NFKBIL1: variants seen among roughly 807,000 people sequenced by gnomAD.
NFKBIL1 encodes the protein NF-kappa-B inhibitor-like protein 1.
Under a neutral mutation model 45.4 loss-of-function variants are expected in NFKBIL1, and 30 were observed. The ratio of observed to expected loss-of-function variants is 0.66; its 90% CI spans 0.49 to 0.90. NFKBIL1 has a LOEUF of 0.90. Among genes scored for constraint, NFKBIL1 ranks in the 40% least tolerant of loss-of-function variants. NFKBIL1 has a pLI of 0.00. For synonymous variants in NFKBIL1, 179 were observed against 197.3 expected, an observed-to-expected ratio of 0.91 and a Z score of 0.78; for missense variants, 434 against 513.4, an observed-to-expected ratio of 0.85 and a Z score of 1.49.
chr6:31,557,818 C>T lies in NFKBIL1; in HGVS notation c.525C>T (p.Asp175=), dbSNP rs748954085. 8 of 1,605,694 alleles carry T rather than the reference C, an allele frequency of 5.0e-6. No homozygotes were observed. Among genetic ancestry groups the T allele is most frequent in the South Asian group, 4.4e-5 (4 of 90,240 alleles). The stretch of plus-strand genomic sequence containing the variant: ...AGAAGCTCCAGGGTGAGCTGGAGGA[C>T]GAGTGGCAGGAAGTCATGGGGAGGT... ...WRQKLQGELE[D]EWQEVMGRFE... is the part of the protein sequence containing the mutation. Residue 175 remains aspartate, a synonymous_variant, in exon 3 of 4, where the codon GAC becomes GAT. Coordinates refer to ENST00000376148, the MANE Select transcript of NFKBIL1 (RefSeq NM_005007.4). The surrounding 1 kb of genome is among the most constrained non-coding windows in gnomAD (Gnocchi z 5.4).
chr6:31,558,753 TGGGGGTG>T lies in NFKBIL1; in HGVS notation c.*150_*156del. The T allele has an allele frequency of 1.9e-6, 1 of 539,908 alleles. No individual in the cohort carries two copies. The highest frequency in any genetic ancestry group is 3.1e-6 in the Non-Finnish European group (1 of 320,926). The allele number at this position is 539,908 out of a possible 1,614,324, so 33.4% of individuals were successfully genotyped here. On this transcript the variant is annotated 3_prime_UTR_variant, in exon 4 of 4. Coordinates refer to ENST00000376148, the MANE Select transcript of NFKBIL1 (RefSeq NM_005007.4). This position sits in a 1 kb window ranked among gnomAD's most constrained non-coding sequence, Gnocchi z 7.2. ...GGGTGGGAGCGAAAGTTGTAACAAGTGGGGGTGGGGGGTGCGGGCCGCCACCACTGCT... is the reference window on the plus strand; with the variant it reads ...GGGTGGGAGCGAAAGTTGTAACAAGTGGGGGTGCGGGCCGCCACCACTGCT...
intron 2 of NFKBIL1, among the ~76,000 whole-genome samples, chr6:31,550,200 C>CAA (rs34859965): frequency 8.1e-6 from 1 of 122,782 alleles, no homozygotes. Flanking sequence ...GACTCCGTCT[C>CAA]AAAAAAAAAA....
intron 2 of NFKBIL1, among the ~76,000 whole-genome samples, chr6:31,554,892 G>A (rs6929796): frequency 0.22 from 33,669 of 152,112 alleles, 4,084 homozygotes; most frequent in East Asian, 0.4. Flanking sequence ...TTATAAAGTC[G>A]TCAAAAAGTA....
rs1228842334 is a variant in NFKBIL1 at position 31,557,177 on chromosome 6, G to A, written c.335-451G>A. Among the ~76,000 whole-genome samples, 3 of 151,084 alleles carry A rather than the reference G, an allele frequency of 2.0e-5. No individual in the cohort carries two copies. The highest frequency in any genetic ancestry group is 4.9e-5 in the African/African-American group (2 of 40,978). The stretch of plus-strand genomic sequence containing the variant: ...GGCTGGAGTGCAGTGGCACGATCTC[G>A]GCTTACTACAAGCTCCACCTCCCGG... On this transcript the variant is annotated intron_variant, in intron 2 of 3. Transcript: ENST00000376148. This position sits in a 1 kb window ranked among gnomAD's most constrained non-coding sequence, Gnocchi z 5.4.
In NFKBIL1 at chr6:31,558,824, A is replaced by G; in HGVS notation, c.*213A>G. On this transcript the variant is annotated 3_prime_UTR_variant, in exon 4 of 4. Coordinates refer to ENST00000376148, the MANE Select transcript of NFKBIL1 (RefSeq NM_005007.4). The surrounding 1 kb of genome is among the most constrained non-coding windows in gnomAD (Gnocchi z 7.2). ...GTTTCCTAATAAGACCTGGTTCCACATCTCACTCCCAGTGTCTCCTCTGTC... is the reference window on the plus strand; with the variant it reads ...GTTTCCTAATAAGACCTGGTTCCACGTCTCACTCCCAGTGTCTCCTCTGTC... The G allele has an allele frequency of 1.9e-6, 1 of 531,894 alleles. No homozygotes were observed. Among genetic ancestry groups the G allele is most frequent in the Non-Finnish European group, 3.4e-6 (1 of 295,472 alleles). 32.9% of individuals were successfully genotyped at this position (531,894 alleles called of 1,614,324 possible). A position where few individuals can be genotyped will look rare whatever the true frequency, so the allele number is the denominator to read the frequency against.
chr6:31,558,763 G>C lies in NFKBIL1; in HGVS notation c.*152G>C. On this transcript the variant is annotated 3_prime_UTR_variant, in exon 4 of 4. Transcript: ENST00000376148. This position sits in a 1 kb window ranked among gnomAD's most constrained non-coding sequence, Gnocchi z 7.2. ...GAAAGTTGTAACAAGTGGGGGTGGG[G>C]GGTGCGGGCCGCCACCACTGCTCCT... 1 of 650,436 alleles carries C rather than the reference G, an allele frequency of 1.5e-6. No individual in the cohort carries two copies. The highest frequency in any genetic ancestry group is 2.1e-5 in the South Asian group (1 of 46,558). 40.3% of individuals were successfully genotyped at this position (650,436 alleles called of 1,614,324 possible).
Position 31,557,779 on chromosome 6 carries a change from G to T in NFKBIL1, c.486G>T (p.Glu162Asp). 1 of 1,612,816 alleles carries T rather than the reference G, an allele frequency of 6.2e-7. No homozygotes were observed. The highest frequency in any genetic ancestry group is 1.7e-5 in the Admixed American group (1 of 59,894). ...EEEEEDDASKEREWRQKLQGE... is the reference protein window; with the variant it reads ...EEEEEDDASKDREWRQKLQGE... ...AGGAAGAAGATGATGCCTCCAAGGA[G>T]CGGGAATGGAGACAGAAGCTCCAGG... The change falls in exon 3 of 4, where the codon GAG becomes GAT. Residue 162 changes from glutamate (E) to aspartate (D), a missense_variant. Glu to Asp is a conservative substitution (Grantham distance 45). Coordinates refer to ENST00000376148, the MANE Select transcript of NFKBIL1 (RefSeq NM_005007.4). The surrounding 1 kb of genome is among the most constrained non-coding windows in gnomAD (Gnocchi z 5.4).
intron 2 of NFKBIL1, among the ~76,000 whole-genome samples, chr6:31,549,997 C>G (rs772065789): frequency 2.6e-5 from 4 of 151,998 alleles, no homozygotes; most frequent in Non-Finnish European, 4.4e-5. Context: ...GTCAGGAGTT[C>G]GAGACCAGCC....
At chr6:31,556,929 T>C (rs1472474244) in intron 2 of NFKBIL1, 2 of 347,672 alleles carry the variant, frequency 5.8e-6, no homozygotes, top group African/African-American at 2.1e-5. Context: ...GTCTGATATA[T>C]GGTTTCAGGT....
intron 2 of NFKBIL1, among the ~76,000 whole-genome samples, chr6:31,551,278 G>A (rs1397424794): frequency 1.3e-5 from 2 of 151,154 alleles, no homozygotes; most frequent in Non-Finnish European, 3.0e-5. Context: ...TGCCCACCTC[G>A]GCTTCCCAAA....
chr6:31,554,878 C>A (rs1769630002), intron 2 of NFKBIL1, among the ~76,000 whole-genome samples: 1 of 152,168 alleles, frequency 6.6e-6, no homozygotes, highest in African/African-American at 2.4e-5. Context: ...CAGTGGAACA[C>A]TAATTATAAA....
At chr6:31,550,994 C>A (rs1233407346) in intron 2 of NFKBIL1, among the ~76,000 whole-genome samples, 2 of 151,728 alleles carry the variant, frequency 1.3e-5, no homozygotes, top group Non-Finnish European at 2.9e-5. Flanking sequence ...CCAAAATGCC[C>A]CTGATAGTGT....
At chr6:31,547,025 A>T (rs1412698649), upstream of NFKBIL1, 5 of 166,590 alleles carry the variant, frequency 3.0e-5, no homozygotes, top group South Asian at 6.9e-4. Context: ...TCTGGGCTTA[A>T]TTCTAAACTA....
At position 31,558,476 on chromosome 6, in the gene NFKBIL1, G is replaced by C; in HGVS notation, c.1011G>C (p.Gln337His). 6.4e-7 allele frequency: 1 copy of C among 1,551,866 alleles called. No individual in the cohort carries two copies. Among genetic ancestry groups the C allele is most frequent in the Non-Finnish European group, 8.7e-7 (1 of 1,147,514 alleles). ...QGALRRYLRV[Q>H]QVRWHPDRFL... ...CTCTGAGGAGGTACTTGAGGGTCCA[G>C]CAGGTCCGCTGGCACCCTGACCGCT... Residue 337 changes from glutamine (Q) to histidine (H), a missense_variant, in exon 4 of 4, where the codon CAG (glutamine) becomes CAC (histidine). Around this residue, in one of 4 missense-constraint regions of NFKBIL1, gnomAD observed 52 missense variants for 95.9 expected, o/e 0.54. Transcript: ENST00000376148. The surrounding 1 kb of genome is among the most constrained non-coding windows in gnomAD (Gnocchi z 7.2).
Position 31,557,858 on chromosome 6 carries a change from T to A in NFKBIL1, c.556+9T>A, listed in dbSNP as rs200861685. The A allele has an allele frequency of 6.4e-7, 1 of 1,569,160 alleles. No individual in the cohort carries two copies. Among genetic ancestry groups the A allele is most frequent in the African/African-American group, 1.4e-5 (1 of 73,934 alleles). On this transcript the variant is annotated intron_variant, in intron 3 of 3. Transcript: ENST00000376148. This position sits in a 1 kb window ranked among gnomAD's most constrained non-coding sequence, Gnocchi z 5.4. ...CATGGGGAGGTTTGAAGGTGAGAAGTCCACTGCTATCCACAGCTGCCCTTC... is the reference window on the plus strand; with the variant it reads ...CATGGGGAGGTTTGAAGGTGAGAAGACCACTGCTATCCACAGCTGCCCTTC...
chr6:31,550,193 T>C (rs921938905), intron 2 of NFKBIL1, among the ~76,000 whole-genome samples: 8 of 145,584 alleles, frequency 5.5e-5, no homozygotes, highest in South Asian at 2.2e-4. Context: ...ACAGCAAGAC[T>C]CCGTCTCAAA....
rs191884912 is a variant in NFKBIL1, at chr6:31,555,651, T to G, written c.335-1977T>G. Among the ~76,000 whole-genome samples, 40 of 127,858 alleles carry G rather than the reference T, an allele frequency of 3.1e-4. No individual in the cohort carries two copies. The East Asian group carries it at 7.0e-3, about 22-fold the overall frequency. The allele number at this position is 127,858 out of a possible 152,430, so 83.9% of individuals were successfully genotyped here. On this transcript the variant is annotated intron_variant, in intron 2 of 3. Coordinates refer to ENST00000376148, the MANE Select transcript of NFKBIL1 (RefSeq NM_005007.4). ...TTTTTTTTGAGATAGAGTCTCACCC[T>G]GTCACCCAGGCTGGAATGCAGAGGC...
rs1009921313 is a variant in NFKBIL1 at position 31,557,965 on chromosome 6, G to A, written c.557-57G>A. 9.4e-6 allele frequency: 14 copies of A among 1,495,330 alleles called. No homozygotes were observed. Among genetic ancestry groups the A allele is most frequent in the Non-Finnish European group, 1.2e-5 (13 of 1,107,594 alleles). The allele number at this position is 1,495,330 out of a possible 1,614,324, so 92.6% of individuals were successfully genotyped here. A position where few individuals can be genotyped will look rare whatever the true frequency, so the allele number is the denominator to read the frequency against. ...CCTCTGTGCTTCCCTGCTTCTTGGG[G>A]CCCATCACCTTCTCACAGCCTCTCT... is the stretch of plus-strand genomic sequence containing the variant. On this transcript the variant is annotated intron_variant, in intron 3 of 3. Coordinates refer to ENST00000376148, the MANE Select transcript of NFKBIL1 (RefSeq NM_005007.4). This position sits in a 1 kb window ranked among gnomAD's most constrained non-coding sequence, Gnocchi z 5.4.
Position 31,548,362 on chromosome 6 carries a change from G to A in NFKBIL1, c.257G>A (p.Arg86Gln), listed in dbSNP as rs201288049. The change falls in exon 2 of 4, where the codon CGG (arginine) becomes CAG (glutamine). Residue 86 changes from arginine (R) to glutamine (Q), a missense_variant. Arg to Gln is a conservative substitution (Grantham distance 43, BLOSUM62 1). This residue lies in a region of NFKBIL1 where 231 missense variants were observed against 264.1 expected (regional missense o/e 0.87). Transcript: ENST00000376148. ...GCCCCTGCCCTGTGCCTGCTGCTTC[G>A]GCTCGGGGCTGACCCTGCCCACCAG... ...HDAPALCLLL[R>Q]LGADPAHQDR... 11 of 1,585,194 alleles carry A rather than the reference G, an allele frequency of 6.9e-6. No individual in the cohort carries two copies. Among genetic ancestry groups the A allele is most frequent in the African/African-American group, 1.3e-5 (1 of 74,690 alleles).
Sources: allele counts gnomAD v4.1 joint callset (sites outside exome capture counted in the v4.1 genomes callset), GRCh38; gene constraint gnomAD v4.1.1; regional missense constraint gnomAD v4.1.1; non-coding constraint Gnocchi (gnomAD v3.1); transcripts MANE v1.5; gene names NCBI Gene and HGNC (gene_info 2026-07-23, HGNC 2026-07-21).